The following LMF1 variants were observed in gnomAD, a reference collection of about 807,000 sequenced individuals.
LMF1 encodes transmembrane protein 112.
Under a neutral mutation model 60.6 loss-of-function variants are expected in LMF1, and 68 were observed. That is an observed-to-expected ratio of 1.12 (90% CI 0.92 to 1.37). The LOEUF is 1.37. LMF1 is among the 40% of genes most tolerant of loss of function. The pLI is 0.00. For synonymous variants in LMF1, 418 were observed against 324.7 expected (o/e 1.29, Z -3.09); for missense variants, 948 against 767.2 (o/e 1.24, Z -2.78).
At chr16:876,612 A>G (rs2151709496) in intron 6 of LMF1, among the ~76,000 whole-genome samples, 1 of 152,266 alleles carries the variant, frequency 6.6e-6, no homozygotes, top group African/African-American at 2.4e-5. Context: ...GTGTTCTAAA[A>G]TAAGTCAATT....
At chr16:926,967 C>T (rs372820628) in intron 3 of LMF1, among the ~76,000 whole-genome samples, 13 of 152,312 alleles carry the variant, frequency 8.5e-5, no homozygotes, top group South Asian at 2.1e-4. Context: ...AGCCACCAGG[C>T]GAGAACACCA....
intron 2 of LMF1, among the ~76,000 whole-genome samples, chr16:951,799 T>C (rs1273026718): frequency 6.6e-6 from 1 of 152,080 alleles, no homozygotes; most frequent in Non-Finnish European, 1.5e-5. Context: ...ACCAAGAGCA[T>C]GTGGTGAAGG....
intron 3 of LMF1, among the ~76,000 whole-genome samples, chr16:927,893 G>C (rs1386850912): frequency 6.6e-6 from 1 of 152,222 alleles, no homozygotes; most frequent in Non-Finnish European, 1.5e-5. Context: ...CCAGTGTCTG[G>C]GGCCCCGCAC....
chr16:953,034 CA>C (rs2072529255), intron 2 of LMF1, among the ~76,000 whole-genome samples: 4 of 44,914 alleles, frequency 8.9e-5, no homozygotes, highest in African/African-American at 7.3e-4. Context: ...TCCACACAGA[CA>C]CCCCAAACCA....
At chr16:870,656 C>T in intron 8 of LMF1, 73 bp downstream of exon 8, 2 of 1,565,238 alleles carry the variant, frequency 1.3e-6, no homozygotes, top group Non-Finnish European at 1.7e-6. Context: ...TGTAACCCCA[C>T]CTGAATGTGG....
At position 932,180 on chromosome 16, in the gene LMF1, C is replaced by A. The variant is rs559293710; in HGVS notation, c.514+2064G>T. On this transcript the variant is annotated intron_variant, in intron 3 of 10. Coordinates refer to ENST00000262301, the MANE Select transcript of LMF1 (RefSeq NM_022773.4). ...TCCACTGCCCCAGGCACTTCCCCCC[C>A]ACCCTACTTAGAGTAGAGCCTGTGT... 7.2e-5 allele frequency among the ~76,000 whole-genome samples: 11 copies of A among 152,340 alleles called. No homozygotes were observed. In the East Asian group the frequency reaches 9.6e-4, roughly 13 times the overall value.
At chr16:859,164 CG>C (rs2069334053) in intron 10 of LMF1, among the ~76,000 whole-genome samples, 2 of 109,200 alleles carry the variant, frequency 1.8e-5, no homozygotes, top group Non-Finnish European at 3.4e-5. Context: ...AGTGGTGTCT[CG>C]GGACGGGTGT....
intron 4 of LMF1, chr16:901,580 G>C (rs1280731285): frequency 6.6e-6 from 1 of 152,282 alleles, no homozygotes; most frequent in African/African-American, 2.4e-5. Flanking sequence ...CTGAGTGAAA[G>C]AGACCTTCAC....
chr16:908,746 A>G (rs2151751935), intron 4 of LMF1, among the ~76,000 whole-genome samples: 1 of 152,372 alleles, frequency 6.6e-6, no homozygotes, highest in East Asian at 1.9e-4. Context: ...CAGTAAAAAC[A>G]GTGAGGACCT....
chr16:887,433 G>A (rs1307647122), intron 5 of LMF1, among the ~76,000 whole-genome samples: 1 of 152,226 alleles, frequency 6.6e-6, no homozygotes, highest in Admixed American at 6.5e-5. Flanking sequence ...AGCTCCTGCT[G>A]GGAGTGTTGG....
At chr16:913,380 TCAGC>T (rs1380096102) in intron 3 of LMF1, among the ~76,000 whole-genome samples, 1 of 152,230 alleles carries the variant, frequency 6.6e-6, no homozygotes, top group African/African-American at 2.4e-5. Flanking sequence ...GTTGGCCCAA[TCAGC>T]GGAGAAGCTG....
chr16:903,068 G>A (rs2070864902), intron 4 of LMF1, among the ~76,000 whole-genome samples: 1 of 56,852 alleles, frequency 1.8e-5, no homozygotes, highest in Non-Finnish European at 2.9e-5. Flanking sequence ...GGGGACGCCC[G>A]TCTCTGCTGC....
chr16:870,028 G>C lies in LMF1; in HGVS notation c.1271C>G (p.Thr424Arg), dbSNP rs370807438. ...GGGGGCGCTGGCGTTGGAGCTGGCT[G>C]TGCCCTGCAGGATCACCTCCGCCCG... Reference protein sequence around the residue: ...KERAEVILQGTASSNASAPDA... With the variant: ...KERAEVILQGRASSNASAPDA... Residue 424 changes from threonine (T) to arginine (R), a missense_variant, in exon 9 of 11, where the codon ACA (threonine) becomes AGA (arginine). Transcript: ENST00000262301. 55 of 1,612,130 alleles carry C rather than the reference G, an allele frequency of 3.4e-5. 1 individual carries two copies. The highest frequency in any genetic ancestry group is 1.6e-4 in the African/African-American group (12 of 74,930).
intron 2 of LMF1, among the ~76,000 whole-genome samples, chr16:941,061 G>A (rs147412974): frequency 1.8e-3 from 273 of 152,116 alleles, no homozygotes; most frequent in Admixed American, 5.2e-3. Context: ...ATAATACTCC[G>A]TGTCCTGAAC....
At chr16:966,229 C>G (rs1293093935) in intron 1 of LMF1, among the ~76,000 whole-genome samples, 1 of 152,194 alleles carries the variant, frequency 6.6e-6, no homozygotes, top group African/African-American at 2.4e-5. Context: ...CACGGCTCGT[C>G]CACTGGGGCC....
chr16:974,786 G>A (rs1262765223), upstream of LMF1, among the ~76,000 whole-genome samples: 1 of 152,212 alleles, frequency 6.6e-6, no homozygotes, highest in Admixed American at 6.5e-5. Context: ...GGCAGCTCCC[G>A]CCTCCTCGGG....
At chr16:902,732 C>T (rs2070852821) in intron 4 of LMF1, among the ~76,000 whole-genome samples, 1 of 129,260 alleles carries the variant, frequency 7.7e-6, no homozygotes, top group African/African-American at 3.0e-5. Context: ...GCACTGCCCA[C>T]AGGACGCCTG....
At chr16:887,073 G>A (rs1003960278) in intron 5 of LMF1, 1 of 152,084 alleles carries the variant, frequency 6.6e-6, no homozygotes, top group African/African-American at 2.4e-5. Flanking sequence ...ACGCCAACCT[G>A]GATATATATT....
At chr16:871,878 CAG>C (rs2069805544) in intron 6 of LMF1, 1 of 153,132 alleles carries the variant, frequency 6.5e-6, no homozygotes, top group African/African-American at 2.4e-5. Flanking sequence ...CCCTGTGCCA[CAG>C]AGATGAACAG....
Sources: allele counts gnomAD v4.1 joint callset (sites outside exome capture counted in the v4.1 genomes callset), GRCh38; gene constraint gnomAD v4.1.1; transcripts MANE v1.5; gene names NCBI Gene and HGNC (gene_info 2026-07-23, HGNC 2026-07-21).